Variants in NDST3 observed in about 807,000 individuals in gnomAD.
NDST3 encodes the protein bifunctional heparan sulfate N-deacetylase/N-sulfotransferase 3.
In NDST3, 58 loss-of-function variants were observed where a neutral mutation model predicts 96.1. The observed-to-expected ratio is 0.60, with a 90% confidence interval of 0.49 to 0.75. NDST3 has a LOEUF of 0.75. NDST3 is among the 30% of genes least tolerant of loss of function. The pLI is 0.00. For missense variants in NDST3, 788 were observed against 1,034.2 expected, an observed-to-expected ratio of 0.76 and a Z score of 3.27; for synonymous variants, 333 against 359.7, an observed-to-expected ratio of 0.93 and a Z score of 0.84.
At chr4:118,240,881 A>G (rs79234817) in intron 11 of NDST3, among the ~76,000 whole-genome samples, 187 bp downstream of exon 11, 5,943 of 152,298 alleles carry the variant, frequency 0.039, 177 homozygotes, top group African/African-American at 0.085. Context: ...AGTATTTCAG[A>G]ATAATTCTCC....
intron 6 of NDST3, among the ~76,000 whole-genome samples, chr4:118,205,723 A>G (rs1260843713): frequency 6.9e-6 from 1 of 144,382 alleles, no homozygotes; most frequent in African/African-American, 2.6e-5. Flanking sequence ...TTTACTAGTT[A>G]TATGGCTTGT....
chr4:118,247,274 G>A (rs1223354731), intron 12 of NDST3, among the ~76,000 whole-genome samples: 2 of 151,884 alleles, frequency 1.3e-5, no homozygotes, highest in African/African-American at 2.4e-5. Flanking sequence ...TATCTGGGCC[G>A]GGCATGGTGA....
At chr4:118,125,994 T>C (rs1342281505) in intron 4 of NDST3, among the ~76,000 whole-genome samples, 1 of 151,958 alleles carries the variant, frequency 6.6e-6, no homozygotes, top group Non-Finnish European at 1.5e-5. Context: ...ATCCATACCA[T>C]TTCTTACTTT....
At chr4:118,139,381 A>G (rs145842007) in intron 5 of NDST3, among the ~76,000 whole-genome samples, 3,111 of 152,314 alleles carry the variant, frequency 0.02, 40 homozygotes, top group South Asian at 0.033. Context: ...TCCTGTTTTG[A>G]TGGAACTGTC....
chr4:118,086,923 C>T (rs1728465861), intron 2 of NDST3, among the ~76,000 whole-genome samples: 2 of 151,954 alleles, frequency 1.3e-5, no homozygotes, highest in African/African-American at 4.8e-5. Flanking sequence ...AATATTCATG[C>T]AGAAAGTTAT....
chr4:118,108,836 T>C (rs1247898612), intron 3 of NDST3, among the ~76,000 whole-genome samples: 1 of 152,188 alleles, frequency 6.6e-6, no homozygotes, highest in Non-Finnish European at 1.5e-5. Context: ...TTCCTCTGAA[T>C]TTCTTAGATC....
chr4:118,087,676 G>A (rs932226545), intron 2 of NDST3, among the ~76,000 whole-genome samples: 1 of 152,110 alleles, frequency 6.6e-6, no homozygotes, highest in Non-Finnish European at 1.5e-5. Context: ...GAGAGGATGA[G>A]AATGTGTGTC....
At chr4:118,135,433 TA>T in intron 4 of NDST3, among the ~76,000 whole-genome samples, 1 of 152,286 alleles carries the variant, frequency 6.6e-6, no homozygotes, top group African/African-American at 2.4e-5. Context: ...TCATAGCATC[TA>T]AAAACAATAG....
intron 3 of NDST3, among the ~76,000 whole-genome samples, chr4:118,106,712 G>A (rs1730213084): frequency 6.6e-6 from 1 of 151,956 alleles, no homozygotes; most frequent in South Asian, 2.1e-4. Flanking sequence ...GATAACTTGA[G>A]CTCAGGAGGT....
chr4:118,192,837 G>A (rs935393207), intron 6 of NDST3, among the ~76,000 whole-genome samples: 1 of 152,124 alleles, frequency 6.6e-6, no homozygotes, highest in African/African-American at 2.4e-5. Flanking sequence ...CTGGCTGAGA[G>A]GGAAAACTGA....
chr4:118,194,786 C>T (rs186056421), intron 6 of NDST3: 50 of 415,020 alleles, frequency 1.2e-4, no homozygotes, highest in East Asian at 1.0e-3. Flanking sequence ...GAGCTGGCAC[C>T]GGCACCAGCA....
chr4:118,169,271 G>GT (rs1735765865), intron 6 of NDST3, among the ~76,000 whole-genome samples: 1 of 151,968 alleles, frequency 6.6e-6, no homozygotes, highest in Non-Finnish European at 1.5e-5. Flanking sequence ...ACAATATAGT[G>GT]TTTTTTAAAA....
At chr4:118,254,253 A>T (rs1467512383) in intron 13 of NDST3, among the ~76,000 whole-genome samples, 1 of 151,962 alleles carries the variant, frequency 6.6e-6, no homozygotes, top group Admixed American at 6.6e-5. Context: ...CTCAAAAAAA[A>T]AAAAAAAAAA....
At chr4:118,235,511 C>A (rs547103749) in intron 9 of NDST3, among the ~76,000 whole-genome samples, 3 of 152,112 alleles carry the variant, frequency 2.0e-5, no homozygotes, top group Non-Finnish European at 4.4e-5. Flanking sequence ...GTTTTCAAAG[C>A]CTAAACTGTT....
chr4:118,125,683 A>T (rs1460406343), intron 4 of NDST3, among the ~76,000 whole-genome samples: 2 of 152,092 alleles, frequency 1.3e-5, no homozygotes, highest in African/African-American at 4.8e-5. Flanking sequence ...ACAGAATTAT[A>T]AACCTGGACT....
At chr4:118,084,943 A>G (rs956415607) in intron 2 of NDST3, among the ~76,000 whole-genome samples, 20 of 152,104 alleles carry the variant, frequency 1.3e-4, no homozygotes, top group African/African-American at 4.6e-4. Flanking sequence ...ACATGGTGAA[A>G]CCCCGTCTCT....
At chr4:118,195,234 G>C (rs1399719816) in intron 6 of NDST3, among the ~76,000 whole-genome samples, 1 of 152,096 alleles carries the variant, frequency 6.6e-6, no homozygotes, top group Non-Finnish European at 1.5e-5. Flanking sequence ...TAAATCCTAG[G>C]TGATATGGTT....
At chr4:118,150,337 A>T (rs911805430) in intron 6 of NDST3, among the ~76,000 whole-genome samples, 11 of 152,214 alleles carry the variant, frequency 7.2e-5, no homozygotes, top group South Asian at 6.2e-4. Flanking sequence ...CAAGGACTTC[A>T]TGTCTAAAAC....
At chr4:118,212,133 G>T (rs1352839665) in intron 6 of NDST3, among the ~76,000 whole-genome samples, 1 of 152,156 alleles carries the variant, frequency 6.6e-6, no homozygotes, top group Non-Finnish European at 1.5e-5. Flanking sequence ...GGTTCACAAT[G>T]CAAATAAAGC....
Sources: gnomAD v4.1 joint callset for allele counts (sites outside exome capture counted in the v4.1 genomes callset) on GRCh38, gnomAD v4.1.1 for gene constraint, MANE v1.5 for transcripts, NCBI Gene and HGNC (gene_info 2026-07-23, HGNC 2026-07-21) for gene names.